Variants in TXNDC16 observed in about 807,000 individuals in gnomAD.
The protein encoded by TXNDC16 is thioredoxin domain containing 16, also known as thioredoxin domain-containing protein 16.
In TXNDC16, 74 loss-of-function variants were observed where a neutral mutation model predicts 85.6. The observed-to-expected ratio is 0.86, with a 90% CI of 0.72 to 1.05. The LOEUF (loss-of-function observed/expected upper bound fraction) is 1.05. Ranked by LOEUF, TXNDC16 falls within the 50% of genes least tolerant of loss-of-function variation. The pLI is 0.00. For missense variants in TXNDC16, 959 were observed against 947.0 expected (o/e 1.01, Z -0.17); for synonymous variants, 335 against 326.5 (o/e 1.03, Z -0.28).
rs556235054 is a variant in TXNDC16, at chr14:52,517,039, C to T, written c.515-2069G>A. ...CCACTAACTCTACACCTTGCAATCA[C>T]CAATTAACGCAATCCCCTCCATAAT... On this transcript the variant is annotated intron_variant, in intron 7 of 20. Coordinates refer to ENST00000281741, the MANE Select transcript of TXNDC16 (RefSeq NM_020784.3). Among the ~76,000 whole-genome samples the T allele has an allele frequency of 2.0e-5, 3 of 152,184 alleles. No homozygotes were observed. In the East Asian group the frequency reaches 5.8e-4, roughly 29 times the overall value.
chr14:52,551,392 C>T (rs142390079), intron 1 of TXNDC16, among the ~76,000 whole-genome samples: 2,799 of 148,986 alleles, frequency 0.019, 82 homozygotes, highest in African/African-American at 0.067. Context: ...GGTGGGAGGA[C>T]TGCTTGTGCC....
At chr14:52,539,934 C>T (rs894533284) in intron 4 of TXNDC16, among the ~76,000 whole-genome samples, 2 of 152,122 alleles carry the variant, frequency 1.3e-5, no homozygotes, top group African/African-American at 2.4e-5. Flanking sequence ...TTAAACATTA[C>T]AGCTTGTTTC....
intron 7 of TXNDC16, among the ~76,000 whole-genome samples, chr14:52,515,669 A>ATGTGTGTG (rs57407287): frequency 3.5e-3 from 503 of 144,300 alleles, no homozygotes; most frequent in African/African-American, 0.012. Context: ...TTTCATACAT[A>ATGTGTGTG]TGTGTGTGTG....
chr14:52,434,220 G>C (rs1206408403), intron 20 of TXNDC16, among the ~76,000 whole-genome samples: 1 of 152,092 alleles, frequency 6.6e-6, no homozygotes, highest in African/African-American at 2.4e-5. Context: ...TTAAAGTGTA[G>C]CATGTAGCAA....
rs146840476 is a variant in TXNDC16, at chr14:52,464,237, T to C, written c.1618+5800A>G. Among the ~76,000 whole-genome samples the C allele has an allele frequency of 9.8e-5, 15 of 152,340 alleles. No individual in the cohort carries two copies. The East Asian group carries it at 2.7e-3, about 27-fold the overall frequency. ...GTGGATTAATCAGCATCCTAACTTG[T>C]GTGTTGTGATTTATTACATATGACG... On this transcript the variant is annotated intron_variant, in intron 16 of 20. Coordinates refer to ENST00000281741, the MANE Select transcript of TXNDC16 (RefSeq NM_020784.3).
At chr14:52,533,891 A>C (rs961732104) in intron 6 of TXNDC16, among the ~76,000 whole-genome samples, 11 of 152,194 alleles carry the variant, frequency 7.2e-5, no homozygotes, top group Non-Finnish European at 1.3e-4. Flanking sequence ...GGAGGCCTCA[A>C]AATGGAGGTA....
intron 8 of TXNDC16, 99 bp from the exon 9 acceptor site, chr14:52,511,489 T>A: frequency 1.4e-6 from 1 of 701,874 alleles, no homozygotes; most frequent in Non-Finnish European, 2.1e-6. Context: ...GTCTCATGCT[T>A]TTGAATTATT....
At chr14:52,482,989 A>T in intron 12 of TXNDC16, 24 bp from the exon 13 acceptor site, 1 of 1,575,152 alleles carries the variant, frequency 6.3e-7, no homozygotes, top group Non-Finnish European at 8.6e-7. Flanking sequence ...AAAGAAATTA[A>T]TTTAAATATT....
rs1286425599 is a variant in TXNDC16, at chr14:52,470,008, G to A, written c.1618+29C>T. 11 of 1,585,290 alleles carry A rather than the reference G, an allele frequency of 6.9e-6. No individual in the cohort carries two copies. In the Admixed American group the frequency reaches 1.1e-4, roughly 16 times the overall value. ...CTAGCAAGCAATGATATACTCTACT[G>A]TATAATTTAAAAGCTCAGCTCTGCT... On this transcript the variant is annotated intron_variant, in intron 16 of 20. Coordinates refer to ENST00000281741, the MANE Select transcript of TXNDC16 (RefSeq NM_020784.3).
At chr14:52,506,626 G>C (rs1189305300) in intron 9 of TXNDC16, among the ~76,000 whole-genome samples, 1 of 130,310 alleles carries the variant, frequency 7.7e-6, no homozygotes, top group Non-Finnish European at 1.6e-5. Flanking sequence ...GCGCAATCTC[G>C]GCTCACTGCA....
chr14:52,551,914 A>G (rs970894130), intron 1 of TXNDC16, among the ~76,000 whole-genome samples: 1 of 152,084 alleles, frequency 6.6e-6, no homozygotes, highest in African/African-American at 2.4e-5. Context: ...TTAAGCCCAG[A>G]GCATCTTCCC....
intron 16 of TXNDC16, chr14:52,462,869 G>A: frequency 2.2e-6 from 1 of 448,368 alleles, no homozygotes; most frequent in Non-Finnish European, 4.4e-6. Flanking sequence ...GCCAGAAAGT[G>A]GAGTACTCAG....
At chr14:52,546,991 C>T (rs531656626) in intron 1 of TXNDC16, among the ~76,000 whole-genome samples, 17 of 152,268 alleles carry the variant, frequency 1.1e-4, no homozygotes, top group African/African-American at 3.6e-4. Context: ...GTTCCCGTGG[C>T]TAATGAACTT....
intron 1 of TXNDC16, among the ~76,000 whole-genome samples, chr14:52,546,645 C>G (rs2037947506): frequency 6.6e-6 from 1 of 152,190 alleles, no homozygotes; most frequent in South Asian, 2.1e-4. Context: ...ATGAGCATAA[C>G]AGAGAACTCC....
intron 6 of TXNDC16, among the ~76,000 whole-genome samples, chr14:52,535,664 G>A (rs965686675): frequency 1.1e-4 from 16 of 152,222 alleles, no homozygotes; most frequent in African/African-American, 3.6e-4. Flanking sequence ...TAATTCAGGG[G>A]AAGAGTCCAA....
At chr14:52,490,307 T>C (rs2140153686) in intron 11 of TXNDC16, 84 bp downstream of exon 11, 1 of 946,214 alleles carries the variant, frequency 1.1e-6, no homozygotes, top group Non-Finnish European at 1.5e-6. Flanking sequence ...CAGATTTTTC[T>C]ATAATAAAAA....
At chr14:52,485,005 T>C (rs1168679830) in intron 12 of TXNDC16, among the ~76,000 whole-genome samples, 1 of 152,234 alleles carries the variant, frequency 6.6e-6, no homozygotes, top group African/African-American at 2.4e-5. Flanking sequence ...TGTACTCCTT[T>C]CACTTATAAA....
At chr14:52,513,694 C>T (rs140384525) in intron 8 of TXNDC16, among the ~76,000 whole-genome samples, 2 of 151,278 alleles carry the variant, frequency 1.3e-5, no homozygotes, top group African/African-American at 4.9e-5. Context: ...TATATATACA[C>T]ATATATATTA....
chr14:52,547,531 T>C (rs546193406), intron 1 of TXNDC16, among the ~76,000 whole-genome samples: 1 of 152,236 alleles, frequency 6.6e-6, no homozygotes, highest in Non-Finnish European at 1.5e-5. Context: ...AGGAGTGTTG[T>C]TGTTGTTTCA....
Sources: allele counts gnomAD v4.1 joint callset (sites outside exome capture counted in the v4.1 genomes callset), GRCh38; gene constraint gnomAD v4.1.1; transcripts MANE v1.5; gene names NCBI Gene and HGNC (gene_info 2026-07-23, HGNC 2026-07-21).